The following ERC2 variants were observed in gnomAD, a reference collection of about 807,000 sequenced individuals.
The protein encoded by ERC2 is ELKS/RAB6-interacting/CAST family member 2, also known as ERC protein 2.
In ERC2, 42 loss-of-function variants were observed where a neutral mutation model predicts 114.8. The observed-to-expected ratio is 0.37, with a 90% CI of 0.29 to 0.47. ERC2 has a LOEUF of 0.47. Ranked by LOEUF, ERC2 falls within the 20% of genes least tolerant of loss-of-function variation. The pLI, the probability that ERC2 is intolerant of heterozygous loss-of-function variation, is 0.99. For synonymous variants in ERC2, 454 were observed against 425.5 expected (o/e 1.07, Z -0.82); for missense variants, 939 against 1,150.7 (o/e 0.82, Z 2.66).
intron 17 of ERC2, among the ~76,000 whole-genome samples, chr3:55,569,693 C>A (rs927184653): frequency 6.6e-6 from 1 of 152,142 alleles, no homozygotes; most frequent in African/African-American, 2.4e-5. Context: ...CACATCAACA[C>A]TGATTTCAAT....
intron 14 of ERC2, among the ~76,000 whole-genome samples, chr3:55,834,522 A>C (rs1466847580): frequency 6.6e-6 from 1 of 152,134 alleles, no homozygotes; most frequent in African/African-American, 2.4e-5. Context: ...TGGGTACATA[A>C]TGAAATGAAG....
intron 2 of ERC2, among the ~76,000 whole-genome samples, chr3:56,312,401 T>C (rs2056633276): frequency 6.6e-6 from 1 of 152,172 alleles, no homozygotes; most frequent in African/African-American, 2.4e-5. Context: ...ATTCAAATGT[T>C]TGAAAGCAGA....
intron 7 of ERC2, among the ~76,000 whole-genome samples, chr3:56,074,396 T>C (rs918387317): frequency 6.6e-6 from 1 of 152,096 alleles, no homozygotes; most frequent in Non-Finnish European, 1.5e-5. Flanking sequence ...TAGTATATAA[T>C]ATAATCATTT....
intron 3 of ERC2, among the ~76,000 whole-genome samples, chr3:56,185,735 T>C (rs1275232166): frequency 1.3e-5 from 2 of 152,230 alleles, no homozygotes; most frequent in Admixed American, 6.5e-5. Flanking sequence ...TTACATTATA[T>C]GGCAAAAGAG....
At chr3:56,006,595 C>T (rs1329165818) in intron 10 of ERC2, among the ~76,000 whole-genome samples, 1 of 152,054 alleles carries the variant, frequency 6.6e-6, no homozygotes, top group Non-Finnish European at 1.5e-5. Flanking sequence ...TCAGAGAAAA[C>T]ATGTTAATGC....
intron 6 of ERC2, among the ~76,000 whole-genome samples, chr3:56,111,267 C>G (rs1279134426): frequency 6.6e-6 from 1 of 151,992 alleles, no homozygotes; most frequent in Non-Finnish European, 1.5e-5. Context: ...CAATAATGCA[C>G]TCAATCTCTC....
chr3:55,652,743 A>C lies in ERC2; in HGVS notation c.*39+31051T>G, dbSNP rs545006499. 3.8e-3 allele frequency among the ~76,000 whole-genome samples: 573 copies of C among 151,140 alleles called. 4 individuals are homozygous for C. Among genetic ancestry groups the C allele is most frequent in the African/African-American group, 0.013 (543 of 41,246 alleles). ...AAAAAAAGTAGCTGGGCGTGATGGC[A>C]GGTGCCTGTAATCTCCTGAGGCAGG... is the stretch of plus-strand genomic sequence containing the variant. On this transcript the variant is annotated intron_variant, in intron 17 of 17. Transcript: ENST00000288221.
At chr3:55,682,799 T>C (rs2148774598) in intron 17 of ERC2, among the ~76,000 whole-genome samples, 1 of 152,338 alleles carries the variant, frequency 6.6e-6, no homozygotes, top group East Asian at 1.9e-4. Context: ...CCACATTCCT[T>C]GTTCTGAATA....
In ERC2 at chr3:56,349,252, C is replaced by T. The variant is rs80068863; in HGVS notation, c.658-52817G>A. Among the ~76,000 whole-genome samples, 974 of 152,238 alleles carry T rather than the reference C, an allele frequency of 6.4e-3. 13 individuals are homozygous for T. The highest frequency in any genetic ancestry group is 0.022 in the African/African-American group (893 of 41,530). Reference sequence around the variant, plus strand: ...GTGACAACGAAATTAGGGCTTGATCCGGTGATAAATTACCCTCTGCTCATC... The same window carrying T: ...GTGACAACGAAATTAGGGCTTGATCTGGTGATAAATTACCCTCTGCTCATC... On this transcript the variant is annotated intron_variant, in intron 2 of 17. Transcript: ENST00000288221.
At chr3:55,822,804 G>C (rs917107103) in intron 14 of ERC2, among the ~76,000 whole-genome samples, 1 of 151,890 alleles carries the variant, frequency 6.6e-6, no homozygotes, top group African/African-American at 2.4e-5. Context: ...TGGTAGAGAC[G>C]GGGTTTCACC....
intron 14 of ERC2, among the ~76,000 whole-genome samples, chr3:55,881,918 A>G (rs949961767): frequency 1.3e-5 from 2 of 152,240 alleles, no homozygotes; most frequent in African/African-American, 2.4e-5. Flanking sequence ...ATGAAAATAT[A>G]TGGTTGGTAA....
chr3:56,403,692 G>A (rs1040735330), intron 2 of ERC2, among the ~76,000 whole-genome samples: 5 of 152,140 alleles, frequency 3.3e-5, no homozygotes, highest in Non-Finnish European at 5.9e-5. Flanking sequence ...GCACAGTACC[G>A]AAAGACCCAA....
chr3:55,726,407 G>T, intron 15 of ERC2, among the ~76,000 whole-genome samples: 1 of 152,220 alleles, frequency 6.6e-6, no homozygotes, highest in South Asian at 2.1e-4. Context: ...TAAATGGGAA[G>T]CACAACCGTG....
At chr3:56,161,049 C>T (rs1305403485) in intron 4 of ERC2, among the ~76,000 whole-genome samples, 1 of 152,142 alleles carries the variant, frequency 6.6e-6, no homozygotes, top group Non-Finnish European at 1.5e-5. Flanking sequence ...GGAATGGATC[C>T]TTCATGAATG....
intron 3 of ERC2, among the ~76,000 whole-genome samples, chr3:56,255,366 G>A (rs2052447292): frequency 6.6e-6 from 1 of 152,220 alleles, no homozygotes; most frequent in African/African-American, 2.4e-5. Flanking sequence ...GGCTTCCCTA[G>A]TTTTCCAACT....
intron 17 of ERC2, among the ~76,000 whole-genome samples, chr3:55,635,045 C>T (rs1460200726): frequency 2.6e-5 from 4 of 152,032 alleles, no homozygotes; most frequent in African/African-American, 7.2e-5. Context: ...CCACACCCAG[C>T]TAATTTTTTA....
intron 17 of ERC2, among the ~76,000 whole-genome samples, chr3:55,597,976 G>A (rs1232506807): frequency 1.3e-5 from 2 of 152,136 alleles, no homozygotes; most frequent in Non-Finnish European, 2.9e-5. Context: ...CCACACCTTG[G>A]GAAGCCACAT....
intron 2 of ERC2, among the ~76,000 whole-genome samples, chr3:56,305,259 A>T (rs944752885): frequency 1.9e-4 from 29 of 152,224 alleles, no homozygotes; most frequent in African/African-American, 6.5e-4. Context: ...CAGTTGAGAG[A>T]TGATGCTTGC....
chr3:55,672,585 A>C (rs1332906786), intron 17 of ERC2, among the ~76,000 whole-genome samples: 1 of 152,180 alleles, frequency 6.6e-6, no homozygotes, highest in Non-Finnish European at 1.5e-5. Context: ...GATGAAAATC[A>C]GGGACACAGG....
Sources: gnomAD v4.1 joint callset for allele counts (sites outside exome capture counted in the v4.1 genomes callset) on GRCh38, gnomAD v4.1.1 for gene constraint, MANE v1.5 for transcripts, NCBI Gene and HGNC (gene_info 2026-07-23, HGNC 2026-07-21) for gene names.